LARGE1: variants seen among roughly 807,000 people sequenced by gnomAD.
LARGE1 encodes xylosyl- and glucuronyltransferase LARGE1.
A neutral mutation model predicts 87.6 loss-of-function variants in LARGE1; 43 were observed. That is an observed-to-expected ratio of 0.49 (90% confidence interval 0.38 to 0.63). The LOEUF (loss-of-function observed/expected upper bound fraction) is 0.63, where lower values mean the gene tolerates loss of function less well. Among genes scored for constraint, LARGE1 ranks in the 30% least tolerant of loss-of-function variants. The pLI is 0.00. For synonymous variants in LARGE1, 434 were observed against 394.6 expected (o/e 1.10, Z -1.18); for missense variants, 802 against 1,000.2 (o/e 0.80, Z 2.67).
intron 6 of LARGE1, among the ~76,000 whole-genome samples, chr22:33,501,148 C>A (rs144438805): frequency 6.6e-6 from 1 of 152,082 alleles, no homozygotes; most frequent in African/African-American, 2.4e-5. Context: ...TGAAATGGTA[C>A]ATTAAAGAGT....
intron 9 of LARGE1, among the ~76,000 whole-genome samples, chr22:33,380,986 C>T (rs147095076): frequency 4.6e-5 from 7 of 152,304 alleles, no homozygotes; most frequent in Admixed American, 6.5e-5. Flanking sequence ...AGTAATCATA[C>T]GGGCTTAGTC....
intron 2 of LARGE1, among the ~76,000 whole-genome samples, chr22:33,727,889 G>C (rs142853790): frequency 6.6e-6 from 1 of 152,126 alleles, no homozygotes; most frequent in East Asian, 1.9e-4. Context: ...TGAGATTTGA[G>C]CAGAGCAGGG....
intron 9 of LARGE1, among the ~76,000 whole-genome samples, chr22:33,340,168 A>G (rs1315911225): frequency 1.3e-5 from 2 of 151,818 alleles, no homozygotes; most frequent in Non-Finnish European, 2.9e-5. Flanking sequence ...CATTTTACAG[A>G]TGGGGAAGTA....
intron 6 of LARGE1, among the ~76,000 whole-genome samples, chr22:33,449,807 A>G (rs1046206197): frequency 6.6e-6 from 1 of 152,202 alleles, no homozygotes; most frequent in Non-Finnish European, 1.5e-5. Context: ...CCCAACCCAC[A>G]TTCCTGGCTG....
intron 6 of LARGE1, among the ~76,000 whole-genome samples, chr22:33,474,234 G>A (rs2068977304): frequency 6.6e-6 from 1 of 152,122 alleles, no homozygotes; most frequent in African/African-American, 2.4e-5. Flanking sequence ...TGCAATCTCG[G>A]CTCACTGCAA....
chr22:33,714,035 A>ACAT (rs1556008352), intron 2 of LARGE1, among the ~76,000 whole-genome samples: 2 of 152,010 alleles, frequency 1.3e-5, no homozygotes, highest in Non-Finnish European at 2.9e-5. Context: ...ACATAACATA[A>ACAT]AACAAAATGA....
chr22:33,839,492 G>A (rs2063207963), intron 1 of LARGE1, among the ~76,000 whole-genome samples: 1 of 152,102 alleles, frequency 6.6e-6, no homozygotes, highest in Admixed American at 6.5e-5. Flanking sequence ...CTCAACCCCT[G>A]GCAGAGAAGA....
At chr22:33,748,151 T>TTA (rs1256586499) in intron 2 of LARGE1, among the ~76,000 whole-genome samples, 1 of 150,702 alleles carries the variant, frequency 6.6e-6, no homozygotes. Flanking sequence ...TTTTTTTTTT[T>TTA]AGACAGAGTC....
chr22:33,897,624 G>A (rs548894094), intron 1 of LARGE1, among the ~76,000 whole-genome samples: 5 of 152,350 alleles, frequency 3.3e-5, no homozygotes, highest in Middle Eastern at 3.4e-3. Flanking sequence ...GGAACCTACA[G>A]ACAGCCAAAA....
At chr22:33,679,958 T>C (rs992158905) in intron 2 of LARGE1, among the ~76,000 whole-genome samples, 28 of 152,224 alleles carry the variant, frequency 1.8e-4, no homozygotes, top group African/African-American at 6.5e-4. Flanking sequence ...ATTTTGGACT[T>C]CTAGCTTCCA....
At chr22:33,690,028 G>C (rs1470672938) in intron 2 of LARGE1, among the ~76,000 whole-genome samples, 1 of 152,174 alleles carries the variant, frequency 6.6e-6, no homozygotes, top group South Asian at 2.1e-4. Flanking sequence ...ACTCCCACAT[G>C]ATCACTAGAC....
intron 3 of LARGE1, among the ~76,000 whole-genome samples, chr22:33,647,274 T>C (rs1421611849): frequency 6.6e-6 from 1 of 152,192 alleles, no homozygotes; most frequent in Non-Finnish European, 1.5e-5. Flanking sequence ...CAGAAAAACA[T>C]GGCTTCCTTG....
chr22:33,261,097 C>T (rs1343607365), intron 11 of LARGE1, among the ~76,000 whole-genome samples: 1 of 152,176 alleles, frequency 6.6e-6, no homozygotes, highest in African/African-American at 2.4e-5. Flanking sequence ...ATTCAGCATG[C>T]GTGTACCAGC....
chr22:33,324,393 A>G (rs1342740636), intron 10 of LARGE1, among the ~76,000 whole-genome samples: 2 of 150,228 alleles, frequency 1.3e-5, no homozygotes, highest in Non-Finnish European at 3.0e-5. Context: ...ATGGAGCCGG[A>G]GGGAGTATTT....
chr22:33,760,362 T>C (rs1272005378), intron 2 of LARGE1, among the ~76,000 whole-genome samples: 2 of 152,156 alleles, frequency 1.3e-5, no homozygotes, highest in Admixed American at 1.3e-4. Context: ...GGGATCATCA[T>C]TTGTTTTTAT....
At chr22:33,498,788 G>A (rs1453203616) in intron 6 of LARGE1, among the ~76,000 whole-genome samples, 1 of 152,058 alleles carries the variant, frequency 6.6e-6, no homozygotes, top group Admixed American at 6.6e-5. Context: ...TGGCTAACAG[G>A]GTGAAACCCC....
chr22:33,329,047 C>T (rs770014934), intron 10 of LARGE1, among the ~76,000 whole-genome samples: 1 of 152,034 alleles, frequency 6.6e-6, no homozygotes, highest in Non-Finnish European at 1.5e-5. Context: ...CTTAGAACAG[C>T]ACAAAGAGCT....
At chr22:33,569,342 A>G (rs2078125101) in intron 5 of LARGE1, among the ~76,000 whole-genome samples, 1 of 152,222 alleles carries the variant, frequency 6.6e-6, no homozygotes. Context: ...TTTTTAACAC[A>G]CATGTGAGGC....
intron 1 of LARGE1, among the ~76,000 whole-genome samples, chr22:33,888,900 G>A (rs967621769): frequency 6.6e-6 from 1 of 152,080 alleles, no homozygotes; most frequent in African/African-American, 2.4e-5. Context: ...CAACACTCAC[G>A]AGTTTTGTAA....
Sources: allele counts gnomAD v4.1 joint callset (sites outside exome capture counted in the v4.1 genomes callset), GRCh38; gene constraint gnomAD v4.1.1; transcripts MANE v1.5; gene names NCBI Gene and HGNC (gene_info 2026-07-23, HGNC 2026-07-21).